Variants in C4orf36 observed in about 807,000 individuals in gnomAD.
C4orf36 encodes chromosome 4 open reading frame 36.
C4orf36 carries 11 observed loss-of-function variants against 12.2 expected under a neutral mutation model. The ratio of observed to expected loss-of-function variants is 0.90; its 90% CI spans 0.57 to 1.49. The LOEUF is 1.49. C4orf36 is among the 40% of genes most tolerant of loss of function. The pLI is 0.00. For synonymous variants in C4orf36, 54 were observed against 51.3 expected (o/e 1.05, Z -0.22); for missense variants, 137 against 133.9 (o/e 1.02, Z -0.11).
chr4:86,911,881 C>T, the C4orf36 span, among the ~76,000 whole-genome samples: 14 of 151,638 alleles, frequency 9.2e-5, no homozygotes, highest in South Asian at 2.1e-4. Flanking sequence ...TTTTTTGAGA[C>T]GGAGTTTTGC....
At chr4:86,919,998 C>T in the C4orf36 span, among the ~76,000 whole-genome samples, 1 of 152,170 alleles carries the variant, frequency 6.6e-6, no homozygotes. Flanking sequence ...CACTGCATTC[C>T]AGCCTGGGTG....
At chr4:86,914,817 T>C in the C4orf36 span, 76 of 456,728 alleles carry the variant, frequency 1.7e-4, 1 homozygote, top group Middle Eastern at 4.5e-3. Context: ...GCAGTGACAT[T>C]ATTCTTAGTG....
chr4:86,907,734 T>G, the C4orf36 span, among the ~76,000 whole-genome samples: 1 of 152,008 alleles, frequency 6.6e-6, no homozygotes, highest in South Asian at 2.1e-4. Flanking sequence ...CCTAGCACTT[T>G]GGGAGGCCAA....
the C4orf36 span, among the ~76,000 whole-genome samples, chr4:86,909,388 C>A: frequency 6.6e-6 from 1 of 152,126 alleles, no homozygotes; most frequent in African/African-American, 2.4e-5. Context: ...CCTGTGTCAG[C>A]ACTAGAATTT....
the C4orf36 span, among the ~76,000 whole-genome samples, chr4:86,904,008 T>A: frequency 1.5e-4 from 23 of 152,346 alleles, no homozygotes; most frequent in East Asian, 4.1e-3. Context: ...GAGTGCTGAC[T>A]GGTGCATTTA....
At chr4:86,880,857 C>T (rs1047999426) in intron 4 of C4orf36, among the ~76,000 whole-genome samples, 30 of 152,082 alleles carry the variant, frequency 2.0e-4, no homozygotes, top group African/African-American at 7.2e-4. Flanking sequence ...GGCTGGTCAA[C>T]ATGGCAAAAT....
chr4:86,905,351 C>G, the C4orf36 span, among the ~76,000 whole-genome samples: 1 of 152,146 alleles, frequency 6.6e-6, no homozygotes, highest in Admixed American at 6.5e-5. Context: ...CCACTGCACT[C>G]CAGCCTGGGC....
At chr4:86,917,607 G>T in the C4orf36 span, among the ~76,000 whole-genome samples, 2 of 148,786 alleles carry the variant, frequency 1.3e-5, no homozygotes, top group African/African-American at 5.0e-5. Context: ...AAGGAGGGAG[G>T]AAGGGAGGGA....
At chr4:86,920,891 T>C in the C4orf36 span, among the ~76,000 whole-genome samples, 9 of 151,946 alleles carry the variant, frequency 5.9e-5, no homozygotes, top group East Asian at 7.7e-4. Context: ...CAGCACTTTG[T>C]GGGGCCGGGG....
At chr4:86,891,934 C>T in intron 1 of C4orf36, 4 of 956,194 alleles carry the variant, frequency 4.2e-6, no homozygotes, top group Non-Finnish European at 5.0e-6. Context: ...TCTGCCTGCA[C>T]AGGAACCACC....
chr4:86,906,728 C>CAAAAAAAAAA, the C4orf36 span, among the ~76,000 whole-genome samples: 1 of 78,830 alleles, frequency 1.3e-5, no homozygotes, highest in Non-Finnish European at 2.2e-5. Flanking sequence ...AAGACGGTCT[C>CAAAAAAAAAA]AAAAAAAAAA....
At chr4:86,891,697 C>T in intron 1 of C4orf36, 104 bp from the exon 2 acceptor site, 2 of 1,078,224 alleles carry the variant, frequency 1.9e-6, no homozygotes, top group Non-Finnish European at 2.5e-6. Context: ...AATAAGTGTT[C>T]ATTGAACTGG....
chr4:86,929,333 C>T, the C4orf36 span, among the ~76,000 whole-genome samples: 13,395 of 152,202 alleles, frequency 0.088, 797 homozygotes, highest in Non-Finnish European at 0.13. Flanking sequence ...TTTCTTATGA[C>T]TGTGGCCTTT....
At chr4:86,914,925 G>T in the C4orf36 span, 1 of 260,208 alleles carries the variant, frequency 3.8e-6, no homozygotes, top group Non-Finnish European at 7.4e-6. Context: ...GGCCCACCAC[G>T]GGGACCGATG....
chr4:86,908,164 A>G, the C4orf36 span, among the ~76,000 whole-genome samples: 1 of 92,596 alleles, frequency 1.1e-5, no homozygotes, highest in African/African-American at 4.4e-5. Flanking sequence ...CTATACTTTC[A>G]ACATACACAC....
intron 4 of C4orf36, among the ~76,000 whole-genome samples, chr4:86,884,628 A>C (rs905549921): frequency 2.6e-5 from 4 of 152,154 alleles, no homozygotes; most frequent in African/African-American, 9.7e-5. Context: ...TTAGGAGAAC[A>C]AAAACAAAGT....
upstream of C4orf36, chr4:86,892,542 G>C (rs1162949546): frequency 2.6e-5 from 22 of 861,130 alleles, no homozygotes; most frequent in Non-Finnish European, 3.1e-5. Context: ...TCTGGTAACC[G>C]GGCCGGGGCA....
chr4:86,914,297 G>T, the C4orf36 span: 1 of 1,601,060 alleles, frequency 6.2e-7, no homozygotes, highest in Non-Finnish European at 8.6e-7. Context: ...TGACGATGCG[G>T]TCGCTCTTGG....
At chr4:86,891,424 A>T in intron 2 of C4orf36, 32 bp downstream of exon 2, 1 of 1,501,002 alleles carries the variant, frequency 6.7e-7, no homozygotes, top group Non-Finnish European at 8.9e-7. Flanking sequence ...GTCAATGCTT[A>T]CCCTGATTTA....
Sources: gnomAD v4.1 joint callset for allele counts (sites outside exome capture counted in the v4.1 genomes callset) on GRCh38, gnomAD v4.1.1 for gene constraint, MANE v1.5 for transcripts, NCBI Gene and HGNC (gene_info 2026-07-23, HGNC 2026-07-21) for gene names.